ERBB4: variants seen among roughly 807,000 people sequenced by gnomAD.
ERBB4 encodes the protein receptor tyrosine-protein kinase erbB-4.
A neutral mutation model predicts 158.0 loss-of-function variants in ERBB4; 42 were observed. That is an observed-to-expected ratio of 0.27 (90% CI 0.21 to 0.34). The LOEUF is 0.34. ERBB4 is among the 10% of genes least tolerant of loss of function. The pLI is 1.00. For missense variants in ERBB4, 1,333 were observed against 1,624.1 expected, an observed-to-expected ratio of 0.82 and a Z score of 3.08; for synonymous variants, 583 against 558.7, an observed-to-expected ratio of 1.04 and a Z score of -0.61.
chr2:211,987,341 A>AAAAAAAAAAAAAAAAAAAAAAAAAAAG (rs1215048952), intron 2 of ERBB4, among the ~76,000 whole-genome samples: 6 of 124,412 alleles, frequency 4.8e-5, no homozygotes, highest in Non-Finnish European at 8.2e-5. Flanking sequence ...AAAAAAAAAA[A>AAAAAAAAAAAAAAAAAAAAAAAAAAAG]AAAGAAAGAA....
At chr2:211,684,926 C>T (rs2072502333) in intron 12 of ERBB4, among the ~76,000 whole-genome samples, 2 of 152,334 alleles carry the variant, frequency 1.3e-5, no homozygotes, top group African/African-American at 4.8e-5. Context: ...CCTCCCATCT[C>T]CTCACTAGGT....
chr2:211,607,703 A>G (rs1259060243), intron 19 of ERBB4, among the ~76,000 whole-genome samples: 2 of 152,142 alleles, frequency 1.3e-5, no homozygotes, highest in African/African-American at 4.8e-5. Flanking sequence ...GAGATGCAAT[A>G]GCATTTTTTG....
At chr2:211,605,186 A>C (rs1480126232) in intron 19 of ERBB4, among the ~76,000 whole-genome samples, 1 of 152,170 alleles carries the variant, frequency 6.6e-6, no homozygotes, top group Non-Finnish European at 1.5e-5. Flanking sequence ...AGCTAATCAA[A>C]ATCTAAATCT....
chr2:211,628,313 C>T (rs2069943644), intron 17 of ERBB4, among the ~76,000 whole-genome samples: 1 of 152,178 alleles, frequency 6.6e-6, no homozygotes, highest in Non-Finnish European at 1.5e-5. Context: ...TGCTATCCCT[C>T]CCCACTTGCC....
At chr2:211,534,579 C>T (rs1185487600) in intron 20 of ERBB4, among the ~76,000 whole-genome samples, 3 of 152,020 alleles carry the variant, frequency 2.0e-5, no homozygotes, top group African/African-American at 7.2e-5. Flanking sequence ...CTTTAGTGGT[C>T]TTTTTGCCAT....
intron 2 of ERBB4, among the ~76,000 whole-genome samples, chr2:212,044,600 C>T (rs1335071004): frequency 1.3e-5 from 2 of 152,226 alleles, no homozygotes; most frequent in Admixed American, 1.3e-4. Flanking sequence ...TTTTATAACA[C>T]TTTCTTTTAC....
chr2:212,467,024 T>C (rs1413324227), intron 1 of ERBB4, among the ~76,000 whole-genome samples: 1 of 152,122 alleles, frequency 6.6e-6, no homozygotes, highest in East Asian at 1.9e-4. Context: ...GCCCTAGAGA[T>C]TTGTGGAACT....
intron 1 of ERBB4, among the ~76,000 whole-genome samples, chr2:212,245,508 T>G (rs1465171216): frequency 6.6e-6 from 1 of 152,198 alleles, no homozygotes; most frequent in Non-Finnish European, 1.5e-5. Context: ...ATATCAGATA[T>G]TGACGTTAAT....
chr2:212,104,835 G>T (rs10189975), intron 2 of ERBB4, among the ~76,000 whole-genome samples: 1 of 151,818 alleles, frequency 6.6e-6, no homozygotes, highest in Non-Finnish European at 1.5e-5. Context: ...ATAAGTATAC[G>T]TTTGAATTTC....
intron 1 of ERBB4, among the ~76,000 whole-genome samples, chr2:212,128,799 A>C (rs967655153): frequency 6.6e-6 from 1 of 152,160 alleles, no homozygotes; most frequent in Non-Finnish European, 1.5e-5. Context: ...TTATTAAAAC[A>C]AACACCCAGG....
intron 1 of ERBB4, among the ~76,000 whole-genome samples, chr2:212,359,207 T>C (rs1407992534): frequency 1.3e-5 from 2 of 150,900 alleles, no homozygotes; most frequent in Non-Finnish European, 3.0e-5. Flanking sequence ...TGTATATATC[T>C]AAACTTGTTC....
At chr2:211,724,770 A>C (rs2074213924) in intron 6 of ERBB4, among the ~76,000 whole-genome samples, 1 of 152,174 alleles carries the variant, frequency 6.6e-6, no homozygotes, top group African/African-American at 2.4e-5. Context: ...CCACATAAAC[A>C]GGTAATCACC....
chr2:212,088,873 G>A (rs546366021), intron 2 of ERBB4, among the ~76,000 whole-genome samples: 8 of 152,210 alleles, frequency 5.3e-5, no homozygotes, highest in East Asian at 1.9e-4. Flanking sequence ...TACCAGGTAC[G>A]CTATTAGACA....
chr2:211,709,274 T>TATAC (rs1553615210), intron 9 of ERBB4, among the ~76,000 whole-genome samples: 1,888 of 136,524 alleles, frequency 0.014, 37 homozygotes, highest in African/African-American at 0.032. Context: ...TATATATATA[T>TATAC]ACATACATAT....
intron 3 of ERBB4, among the ~76,000 whole-genome samples, chr2:211,926,261 T>C (rs1338350804): frequency 6.6e-6 from 1 of 152,160 alleles, no homozygotes; most frequent in Non-Finnish European, 1.5e-5. Context: ...AGAAAACAGA[T>C]ACTGATGAGC....
intron 25 of ERBB4, among the ~76,000 whole-genome samples, chr2:211,391,582 C>T (rs573375423): frequency 6.6e-6 from 1 of 152,014 alleles, no homozygotes; most frequent in African/African-American, 2.4e-5. Flanking sequence ...AATTCTGTGG[C>T]CATATCGCTG....
In ERBB4 at chr2:211,689,240, G is replaced by C. The variant is rs566811339; in HGVS notation, c.1490-10056C>G. ...AACAGTGTTTCACTCTGTTGCCCTG[G>C]CTGGAGTGGAGTGGTGTGATATGGG... On this transcript the variant is annotated intron_variant, in intron 12 of 27. Coordinates refer to ENST00000342788, the MANE Select transcript of ERBB4 (RefSeq NM_005235.3). Among the ~76,000 whole-genome samples, 5 of 152,264 alleles carry C rather than the reference G, an allele frequency of 3.3e-5. No homozygotes were observed. In the East Asian group the frequency reaches 9.6e-4, roughly 29 times the overall value.
intron 2 of ERBB4, among the ~76,000 whole-genome samples, chr2:212,038,110 G>A (rs2077056837): frequency 6.6e-6 from 1 of 152,090 alleles, no homozygotes; most frequent in Non-Finnish European, 1.5e-5. Flanking sequence ...ATAGAAATAT[G>A]TGATGTAACT....
chr2:211,643,687 C>A (rs2070684782), intron 16 of ERBB4, among the ~76,000 whole-genome samples: 2 of 152,040 alleles, frequency 1.3e-5, no homozygotes, highest in South Asian at 4.1e-4. Flanking sequence ...GCTTCATCAT[C>A]CTACTCTTCT....
Sources: gnomAD v4.1 joint callset for allele counts (sites outside exome capture counted in the v4.1 genomes callset) on GRCh38, gnomAD v4.1.1 for gene constraint, MANE v1.5 for transcripts, NCBI Gene and HGNC (gene_info 2026-07-23, HGNC 2026-07-21) for gene names.